The following PHF21A variants were observed in gnomAD, a reference collection of about 807,000 sequenced individuals.
PHF21A encodes the protein BHC80a.
A neutral mutation model predicts 82.5 loss-of-function variants in PHF21A; 11 were observed. That is an observed-to-expected ratio of 0.13 (90% CI 0.08 to 0.22). The LOEUF (loss-of-function observed/expected upper bound fraction) is 0.22, where lower values mean the gene tolerates loss of function less well. Ranked by LOEUF, PHF21A falls within the 10% of genes least tolerant of loss-of-function variation. The pLI is 1.00. For missense variants in PHF21A, 579 were observed against 837.8 expected (o/e 0.69, Z 3.81); for synonymous variants, 297 against 302.8 (o/e 0.98, Z 0.20).
chr11:46,023,738 C>T (rs925505620), intron 6 of PHF21A, among the ~76,000 whole-genome samples: 3 of 152,160 alleles, frequency 2.0e-5, no homozygotes, highest in African/African-American at 4.8e-5. Context: ...GGCGGATCGC[C>T]TGAGGTCAGG....
At chr11:45,987,251 A>AATGTATGTATGTACGTATGT (rs2094523250) in intron 6 of PHF21A, among the ~76,000 whole-genome samples, 1 of 148,446 alleles carries the variant, frequency 6.7e-6, no homozygotes, top group African/African-American at 2.5e-5. Flanking sequence ...ATCATAAATA[A>AATGTATGTATGTACGTATGT]ATGTATGTAT....
chr11:46,049,321 C>A, intron 6 of PHF21A: 1 of 393,456 alleles, frequency 2.5e-6, no homozygotes, highest in South Asian at 1.8e-5. Context: ...TCCATAATTG[C>A]TGTATAAAAG....
chr11:46,001,311 G>A (rs1446845573), intron 6 of PHF21A, among the ~76,000 whole-genome samples: 2 of 150,930 alleles, frequency 1.3e-5, no homozygotes, highest in African/African-American at 2.4e-5. Context: ...GGGGCTCTAA[G>A]ATGTTCTGTC....
intron 1 of PHF21A, among the ~76,000 whole-genome samples, chr11:46,114,804 AAATC>A (rs2097267911): frequency 6.6e-6 from 1 of 152,198 alleles, no homozygotes; most frequent in African/African-American, 2.4e-5. Flanking sequence ...AGCAGAAAAA[AAATC>A]AATTCCTTTC....
chr11:46,075,424 A>C (rs935217912), intron 6 of PHF21A, among the ~76,000 whole-genome samples: 2 of 152,198 alleles, frequency 1.3e-5, no homozygotes, highest in African/African-American at 4.8e-5. Context: ...ACTAACCCTG[A>C]AACTATAAGG....
intron 6 of PHF21A, among the ~76,000 whole-genome samples, chr11:46,028,848 A>G (rs1212102093): frequency 6.6e-6 from 1 of 152,210 alleles, no homozygotes; most frequent in South Asian, 2.1e-4. Context: ...CTGGGATTAC[A>G]GGCGTGAGCC....
intron 6 of PHF21A, among the ~76,000 whole-genome samples, chr11:46,046,605 T>C (rs886737406): frequency 3.3e-5 from 5 of 152,326 alleles, no homozygotes; most frequent in Middle Eastern, 3.4e-3. Context: ...AATCATTTTG[T>C]GCATATATTT....
chr11:46,052,258 A>G (rs1363382924), intron 6 of PHF21A, among the ~76,000 whole-genome samples: 1 of 152,250 alleles, frequency 6.6e-6, no homozygotes, highest in African/African-American at 2.4e-5. Flanking sequence ...TGCCAGAGGC[A>G]ACCTCTGCCA....
chr11:46,009,175 T>C (rs541673040), intron 6 of PHF21A, among the ~76,000 whole-genome samples: 1 of 152,030 alleles, frequency 6.6e-6, no homozygotes, highest in Non-Finnish European at 1.5e-5. Flanking sequence ...GGTTTCACCA[T>C]GATAGCCAGG....
At chr11:46,118,181 T>C (rs769359666) in intron 1 of PHF21A, 3 of 152,166 alleles carry the variant, frequency 2.0e-5, no homozygotes, top group Non-Finnish European at 2.9e-5. Flanking sequence ...ACTTATACCT[T>C]CTAAAAATAC....
intron 7 of PHF21A, 137 bp from the exon 8 acceptor site, chr11:45,971,504 A>G: frequency 1.2e-6 from 1 of 827,548 alleles, no homozygotes. Flanking sequence ...TCTGTAGAAC[A>G]ACATTTCTTT....
chr11:45,946,081 G>A (rs2091253362), intron 14 of PHF21A, 78 bp from the exon 15 acceptor site: 1 of 1,614,050 alleles, frequency 6.2e-7, no homozygotes, highest in African/African-American at 1.3e-5. Context: ...CATACCTTTG[G>A]CCAGTGTTCC....
intron 10 of PHF21A, among the ~76,000 whole-genome samples, chr11:45,962,505 C>A (rs1279237231): frequency 6.6e-6 from 1 of 152,050 alleles, no homozygotes; most frequent in Non-Finnish European, 1.5e-5. Context: ...AGAGTCTCTG[C>A]TGATCGGGCT....
At chr11:46,033,975 T>C (rs2095925920) in intron 6 of PHF21A, among the ~76,000 whole-genome samples, 1 of 152,252 alleles carries the variant, frequency 6.6e-6, no homozygotes, top group South Asian at 2.1e-4. Flanking sequence ...CAATTTTATA[T>C]TCCATTCAGC....
intron 6 of PHF21A, among the ~76,000 whole-genome samples, chr11:46,059,622 G>T (rs1347908544): frequency 6.6e-6 from 1 of 151,934 alleles, no homozygotes; most frequent in Non-Finnish European, 1.5e-5. Context: ...GTGGGATGTT[G>T]CCATGGTGCC....
chr11:45,971,262 T>G lies in PHF21A; in HGVS notation c.466A>C (p.Ile156Leu). Residue 156 changes from isoleucine (I) to leucine (L), a missense_variant, in exon 8 of 19, where the codon ATT becomes CTT. Physicochemically the swap from Ile to Leu is conservative, Grantham distance 5. Around this residue, in one of 3 missense-constraint regions of PHF21A, gnomAD observed 410 missense variants for 642.1 expected, o/e 0.64. Transcript: ENST00000676320. ...CTGTTGATGGCGGTCACCATAGCAATGGTAGGTCTCTGGCCCACCACAGAG... is the reference window on the plus strand; with the variant it reads ...CTGTTGATGGCGGTCACCATAGCAAGGGTAGGTCTCTGGCCCACCACAGAG... ...PASVVGQRPT[I>L]AMVTAINSQK... is the part of the protein sequence containing the mutation. The G allele has an allele frequency of 6.2e-7, 1 of 1,614,176 alleles. No individual in the cohort carries two copies. Among genetic ancestry groups the G allele is most frequent in the Non-Finnish European group, 8.5e-7 (1 of 1,180,036 alleles).
At chr11:45,976,735 G>C (rs903982223) in intron 7 of PHF21A, among the ~76,000 whole-genome samples, 1 of 152,118 alleles carries the variant, frequency 6.6e-6, no homozygotes, top group African/African-American at 2.4e-5. Flanking sequence ...CCAGCTACCC[G>C]GGAGGCTGAG....
intron 6 of PHF21A, among the ~76,000 whole-genome samples, chr11:45,982,105 T>C (rs1249029891): frequency 6.6e-6 from 1 of 151,978 alleles, no homozygotes. Flanking sequence ...TACAAGAGCG[T>C]GCTACCATGC....
intron 6 of PHF21A, among the ~76,000 whole-genome samples, chr11:46,065,116 C>G (rs2096579371): frequency 6.6e-6 from 1 of 152,206 alleles, no homozygotes; most frequent in Admixed American, 6.5e-5. Context: ...TCCACCCTTT[C>G]TCTTCCCTGA....
Sources: gnomAD v4.1 joint callset for allele counts (sites outside exome capture counted in the v4.1 genomes callset) on GRCh38, gnomAD v4.1.1 for gene constraint, gnomAD v4.1.1 regional missense constraint, MANE v1.5 for transcripts, NCBI Gene and HGNC (gene_info 2026-07-23, HGNC 2026-07-21) for gene names.